Variants in TTLL3 observed in about 807,000 individuals in gnomAD.
TTLL3 encodes tubulin monoglycylase TTLL3.
Under a neutral mutation model 75.2 loss-of-function variants are expected in TTLL3, and 63 were observed. The ratio of observed to expected loss-of-function variants is 0.84; its 90% confidence interval spans 0.68 to 1.03. The LOEUF (loss-of-function observed/expected upper bound fraction) is 1.03, where lower values mean the gene tolerates loss of function less well. Among genes scored for constraint, TTLL3 ranks in the 50% least tolerant of loss-of-function variants. The pLI, the probability that TTLL3 is intolerant of heterozygous loss-of-function variation, is 0.00. For synonymous variants in TTLL3, 393 were observed against 418.5 expected (o/e 0.94, Z 0.74); for missense variants, 997 against 1,069.9 (o/e 0.93, Z 0.95).
At position 9,810,545 on chromosome 3, in the gene TTLL3, G is replaced by A. The variant is rs1575345066; in HGVS notation, c.-41-76G>A. 1.3e-6 allele frequency: 2 copies of A among 1,486,640 alleles called. No individual in the cohort carries two copies. The highest frequency in any genetic ancestry group is 1.8e-6 in the Non-Finnish European group (2 of 1,115,450). The allele number at this position is 1,486,640 out of a possible 1,614,324, so 92.1% of individuals were successfully genotyped here. A position where few individuals can be genotyped will look rare whatever the true frequency, so the allele number is the denominator to read the frequency against. ...GAAGAAAAGAGGCGTGGCTATGGGC[G>A]GCCAGAAAAGATCCTAGGCCGAGAC... On this transcript the variant is annotated intron_variant, in intron 1 of 13. Coordinates refer to ENST00000685419, the MANE Select transcript of TTLL3 (RefSeq NM_001387446.1). This position sits in a 1 kb window ranked among gnomAD's most constrained non-coding sequence, Gnocchi z 4.4.
chr3:9,816,078 G>A lies in TTLL3; in HGVS notation c.320G>A (p.Arg107His), dbSNP rs369766596. Reference protein sequence around the residue: ...DLDGTHALMSRMVQNEIPYFI... With the variant: ...DLDGTHALMSHMVQNEIPYFI... ...TGTCTCCTCCTGTCTCCCCAGTCCCGCATGGTCCAGAATGAGATCCCCTAC... is the reference window on the plus strand; with the variant it reads ...TGTCTCCTCCTGTCTCCCCAGTCCCACATGGTCCAGAATGAGATCCCCTAC... The change falls in exon 5 of 14, where the codon CGC (arginine) becomes CAC (histidine). Residue 107 changes from arginine (R) to histidine (H), a missense_variant. Coordinates refer to ENST00000685419, the MANE Select transcript of TTLL3 (RefSeq NM_001387446.1). The A allele has an allele frequency of 4.9e-5, 66 of 1,353,124 alleles. No individual in the cohort carries two copies. Among genetic ancestry groups the A allele is most frequent in the African/African-American group, 2.5e-4 (17 of 67,452 alleles). 83.8% of individuals were successfully genotyped at this position (1,353,124 alleles called of 1,614,324 possible). A position where few individuals can be genotyped will look rare whatever the true frequency, so the allele number is the denominator to read the frequency against.
rs754766384 is a variant in TTLL3 at position 9,812,977 on chromosome 3, C to T, written c.83C>T (p.Pro28Leu). Residue 28 changes from proline to leucine, a missense_variant, in exon 3 of 14, where the codon CCG (proline) becomes CTG (leucine). Coordinates refer to ENST00000685419, the MANE Select transcript of TTLL3 (RefSeq NM_001387446.1). ...KKIFTIQGCYPVIRCLLRRRG... is the reference protein window; with the variant it reads ...KKIFTIQGCYLVIRCLLRRRG... ...ATCTTTACAATCCAAGGCTGCTACC[C>T]GGTGATCCGGTGTCTCTTGCGCCGG... The T allele has an allele frequency of 1.8e-5, 27 of 1,531,478 alleles. 1 individual carries two copies. The South Asian group carries it at 2.3e-4, about 13-fold the overall frequency. The allele number at this position is 1,531,478 out of a possible 1,614,324, so 94.9% of individuals were successfully genotyped here.
rs1390447823 is a variant in TTLL3, at chr3:9,820,727, C to T, written c.840C>T (p.Tyr280=). The T allele has an allele frequency of 1.2e-6, 2 of 1,614,100 alleles. No individual in the cohort carries two copies. The highest frequency in any genetic ancestry group is 8.5e-7 in the Non-Finnish European group (1 of 1,180,016). Residue 280 remains tyrosine (Y), a synonymous_variant, in exon 8 of 14, where the codon TAC becomes TAT. Coordinates refer to ENST00000685419, the MANE Select transcript of TTLL3 (RefSeq NM_001387446.1). ...PEGWSLFLQR[Y]YQVVHEGAEL... ...GCTGGTCCCTCTTCCTCCAGCGCTA[C>T]TACCAAGTGGTCCAGTGAGTCCCCT...
At position 9,820,679 on chromosome 3, in the gene TTLL3, C is replaced by G. The variant is rs1396066060; in HGVS notation, c.792C>G (p.Ala264=). 6.2e-7 allele frequency: 1 copy of G among 1,614,118 alleles called. No homozygotes were observed. Among genetic ancestry groups the G allele is most frequent in the Non-Finnish European group, 8.5e-7 (1 of 1,180,028 alleles). ...AHMDIDKDLE[A]PLYLTPEGWS... ...TGGACATCGACAAGGACCTGGAGGC[C>G]CCGCTGTACCTCACCCCCGAGGGCT... The change falls in exon 8 of 14, where the codon GCC becomes GCG. Residue 264 remains alanine (A), a synonymous_variant. Transcript: ENST00000685419.
At chr3:9,814,121 G>A (rs111472312) in intron 4 of TTLL3, among the ~76,000 whole-genome samples, 2 of 151,992 alleles carry the variant, frequency 1.3e-5, no homozygotes, top group African/African-American at 4.8e-5. Context: ...CCAACGTGGT[G>A]AAAACCCATC....
chr3:9,831,609 G>C (rs1346809881), intron 11 of TTLL3, among the ~76,000 whole-genome samples: 2 of 152,072 alleles, frequency 1.3e-5, no homozygotes, highest in African/African-American at 4.8e-5. Flanking sequence ...ACATTTTCCT[G>C]TCATCCTTTC....
chr3:9,827,579 T>C (rs543518159), intron 10 of TTLL3: 38 of 280,076 alleles, frequency 1.4e-4, no homozygotes, highest in Non-Finnish European at 2.4e-4. Flanking sequence ...AGTTTTTTAA[T>C]GTAGACATGG....
intron 8 of TTLL3, among the ~76,000 whole-genome samples, chr3:9,823,839 A>G (rs373313062): frequency 7.9e-5 from 12 of 152,366 alleles, no homozygotes; most frequent in African/African-American, 2.2e-4. Flanking sequence ...GTCAGAAGGA[A>G]AGAAATGCGA....
In TTLL3 at chr3:9,827,049, C is replaced by T. The variant is rs770810356; in HGVS notation, c.1056C>T (p.Asn352=). ...AGATGCTGAAGCTGGTGAACGGCAA[C>T]CCCGTGGTGATGAAGGACGGCAAGT... is the stretch of plus-strand genomic sequence containing the variant. ...LEEMLKLVNG[N]PVVMKDGKWV... is the part of the protein sequence containing the mutation. Residue 352 remains asparagine, a synonymous_variant, in exon 10 of 14, where the codon AAC becomes AAT. Transcript: ENST00000685419. 3.7e-6 allele frequency: 6 copies of T among 1,614,176 alleles called. No individual in the cohort carries two copies. Among genetic ancestry groups the T allele is most frequent in the Non-Finnish European group, 5.1e-6 (6 of 1,180,040 alleles).
Position 9,834,797 on chromosome 3 carries a change from C to T in TTLL3, c.1942C>T (p.Leu648=). Residue 648 remains leucine (L), a synonymous_variant, in exon 13 of 14, where the codon CTG becomes TTG. Transcript: ENST00000685419. The part of the protein sequence containing the change: ...QHSKLVGTKA[L]STTGKALRTL... ...CAGCAAGCTGGTGGGCACTAAGGCC[C>T]TGTCGACCACAGGCAAGGCCTTGAG... The T allele has an allele frequency of 6.2e-7, 1 of 1,614,204 alleles. No homozygotes were observed. The highest frequency in any genetic ancestry group is 1.7e-5 in the Admixed American group (1 of 60,030).
At chr3:9,824,924 A>C (rs2080880425) in intron 8 of TTLL3, among the ~76,000 whole-genome samples, 1 of 150,708 alleles carries the variant, frequency 6.6e-6, no homozygotes, top group Non-Finnish European at 1.5e-5. Flanking sequence ...TATTTTTAGT[A>C]GAAACAAGGT....
At chr3:9,816,327 G>A (rs2079856109) in intron 5 of TTLL3, 125 bp downstream of exon 5, 61 of 1,059,214 alleles carry the variant, frequency 5.8e-5, no homozygotes, top group South Asian at 1.0e-4. Context: ...ATACAATTCA[G>A]AAAATTTGGA....
rs765503308 is a variant in TTLL3 at position 9,827,008 on chromosome 3, A to G, written c.1015A>G (p.Met339Val). 3.1e-6 allele frequency: 5 copies of G among 1,614,010 alleles called. No individual in the cohort carries two copies. Among genetic ancestry groups the G allele is most frequent in the Non-Finnish European group, 2.5e-6 (3 of 1,180,026 alleles). Residue 339 changes from methionine to valine, a missense_variant, in exon 10 of 14, where the codon ATG becomes GTG. By Grantham distance (21) the Met-to-Val change is conservative. Transcript: ENST00000685419. ...CTCTTCCCCCGTAGGCATCATGTGC[A>G]TGGACCACCTGGAGGAGATGCTGAA... is the stretch of plus-strand genomic sequence containing the variant. ...AKSRGRGIMCMDHLEEMLKLV... is the reference protein window; with the variant it reads ...AKSRGRGIMCVDHLEEMLKLV...
intron 8 of TTLL3, among the ~76,000 whole-genome samples, chr3:9,824,166 C>T (rs2080791869): frequency 6.6e-6 from 1 of 152,120 alleles, no homozygotes; most frequent in Non-Finnish European, 1.5e-5. Flanking sequence ...CAAATAAGCA[C>T]ATGTGTTAGG....
intron 11 of TTLL3, among the ~76,000 whole-genome samples, chr3:9,832,440 G>A (rs116518634): frequency 7.7e-4 from 117 of 152,224 alleles, no homozygotes; most frequent in African/African-American, 2.7e-3. Context: ...GATAGATTCT[G>A]ATCAGGATCC....
At chr3:9,822,039 C>A (rs1575385176) in intron 8 of TTLL3, among the ~76,000 whole-genome samples, 3 of 136,864 alleles carry the variant, frequency 2.2e-5, no homozygotes, top group Admixed American at 7.3e-5. Flanking sequence ...AGACTTAGAA[C>A]ATTAGTCATG....
chr3:9,828,644 G>A (rs1043928020), intron 10 of TTLL3: 3 of 355,794 alleles, frequency 8.4e-6, no homozygotes, highest in African/African-American at 4.1e-5. Context: ...TGGCGATGAC[G>A]GGGCCATACC....
intron 11 of TTLL3, among the ~76,000 whole-genome samples, chr3:9,831,023 G>C (rs571175135): frequency 1.3e-5 from 2 of 152,016 alleles, no homozygotes; most frequent in Non-Finnish European, 2.9e-5. Context: ...GGATGGTCTC[G>C]ATCTCCTGAC....
In TTLL3 at chr3:9,833,255, C is replaced by G. The variant is rs781392980; in HGVS notation, c.1825+10C>G. On this transcript the variant is annotated intron_variant, in intron 12 of 13. Transcript: ENST00000685419. Reference sequence around the variant, plus strand: ...CGAGGCTCTGGGGAAGGCAAGGACTCGGGGACCCCTACCCACAGGTCAGCT... The same window carrying G: ...CGAGGCTCTGGGGAAGGCAAGGACTGGGGGACCCCTACCCACAGGTCAGCT... 1 of 1,613,398 alleles carries G rather than the reference C, an allele frequency of 6.2e-7. No individual in the cohort carries two copies. The highest frequency in any genetic ancestry group is 8.5e-7 in the Non-Finnish European group (1 of 1,179,844).
Sources: gnomAD v4.1 joint callset for allele counts (sites outside exome capture counted in the v4.1 genomes callset) on GRCh38, gnomAD v4.1.1 for gene constraint, Gnocchi (gnomAD v3.1) non-coding constraint, MANE v1.5 for transcripts, NCBI Gene and HGNC (gene_info 2026-07-23, HGNC 2026-07-21) for gene names.